Variants in NEDD1 observed in about 807,000 individuals in gnomAD.
NEDD1 encodes the protein NEDD1 gamma-tubulin ring complex targeting factor.
In NEDD1, 33 loss-of-function variants were observed where a neutral mutation model predicts 74.0. The ratio of observed to expected loss-of-function variants is 0.45; its 90% confidence interval spans 0.34 to 0.60. NEDD1 has a LOEUF of 0.60. NEDD1 is among the 20% of genes least tolerant of loss of function. The pLI is 0.01. For missense variants in NEDD1, 746 were observed against 776.5 expected, an observed-to-expected ratio of 0.96 and a Z score of 0.47; for synonymous variants, 250 against 264.4, an observed-to-expected ratio of 0.95 and a Z score of 0.53.
intron 13 of NEDD1, 114 bp downstream of exon 13, chr12:96,944,909 T>G: frequency 1.3e-6 from 1 of 761,448 alleles, no homozygotes; most frequent in Non-Finnish European, 2.1e-6. Flanking sequence ...TTCAAAGAGT[T>G]TAAAGTTTGT....
At chr12:96,909,163 T>G (rs1873633583) in intron 2 of NEDD1, among the ~76,000 whole-genome samples, 3 of 120,414 alleles carry the variant, frequency 2.5e-5, no homozygotes, top group South Asian at 2.7e-4. Context: ...ACAACAAGAG[T>G]GAAACTCCGT....
At chr12:96,950,434 T>G (rs1469642072) in intron 14 of NEDD1, among the ~76,000 whole-genome samples, 1 of 152,006 alleles carries the variant, frequency 6.6e-6, no homozygotes, top group East Asian at 1.9e-4. Context: ...GGTTTGGAGA[T>G]AATACATGAT....
chr12:96,916,265 TAAA>T, intron 4 of NEDD1, among the ~76,000 whole-genome samples: 1 of 149,962 alleles, frequency 6.7e-6, no homozygotes, highest in Non-Finnish European at 1.5e-5. Flanking sequence ...TTATTATTTT[TAAA>T]TTATACTTTA....
At chr12:96,921,478 GC>G (rs1346022867) in intron 6 of NEDD1, among the ~76,000 whole-genome samples, 1 of 152,128 alleles carries the variant, frequency 6.6e-6, no homozygotes, top group Non-Finnish European at 1.5e-5. Flanking sequence ...ACTGCACCCA[GC>G]CAGGGTTAGT....
At chr12:96,932,328 C>G (rs1246104871) in intron 6 of NEDD1, among the ~76,000 whole-genome samples, 1 of 143,556 alleles carries the variant, frequency 7.0e-6, no homozygotes. Context: ...ATTTGGAGGC[C>G]AGGTGCGGTG....
At chr12:96,924,559 T>A (rs1875483739) in intron 6 of NEDD1, among the ~76,000 whole-genome samples, 1 of 152,202 alleles carries the variant, frequency 6.6e-6, no homozygotes, top group South Asian at 2.1e-4. Context: ...GATTTTTTGA[T>A]GATACATTTC....
chr12:96,912,857 AG>A, intron 4 of NEDD1, 40 bp downstream of exon 4: 1 of 1,068,616 alleles, frequency 9.4e-7, no homozygotes, highest in Non-Finnish European at 1.4e-6. Context: ...TAAAAATCTT[AG>A]TTTTGCTTGA....
rs756348400 is a variant in NEDD1, at chr12:96,934,983, G to A, written c.497G>A (p.Arg166Gln). 38 of 1,586,222 alleles carry A rather than the reference G, an allele frequency of 2.4e-5. No individual in the cohort carries two copies. The highest frequency in any genetic ancestry group is 3.3e-4 in the Middle Eastern group (2 of 6,046). Residue 166 changes from arginine (R) to glutamine (Q), a missense_variant, in exon 7 of 16, where the codon CGG becomes CAG. Coordinates refer to ENST00000266742, the MANE Select transcript of NEDD1 (RefSeq NM_152905.4). ...PFGHGSNQSV[R>Q]HLKYSLFKKS... is the part of the protein sequence containing the mutation. ...ATTCTTTCATTTTTATAGTCTGTTC[G>A]GCACTTGAAGTACTCCTTGTTTAAG...
intron 14 of NEDD1, among the ~76,000 whole-genome samples, chr12:96,948,968 T>C (rs924709695): frequency 2.6e-5 from 4 of 152,212 alleles, no homozygotes; most frequent in African/African-American, 9.6e-5. Flanking sequence ...ACAGATGTCT[T>C]GAGGGGAAAT....
chr12:96,944,678 C>A lies in NEDD1; in HGVS notation c.1537C>A (p.Leu513Ile). ...CACATCTGGTGCTGAAAGTGGAAATCTAAATACCTCTCCATCATCTAACCA... is the reference window on the plus strand; with the variant it reads ...CACATCTGGTGCTGAAAGTGGAAATATAAATACCTCTCCATCATCTAACCA... ...LVTSGAESGN[L>I]NTSPSSNQTR... Residue 513 changes from leucine (L) to isoleucine (I), a missense_variant, in exon 13 of 16, where the codon CTA becomes ATA. Transcript: ENST00000266742. 1 of 1,600,398 alleles carries A rather than the reference C, an allele frequency of 6.2e-7. No homozygotes were observed. The highest frequency in any genetic ancestry group is 8.5e-7 in the Non-Finnish European group (1 of 1,171,906).
intron 10 of NEDD1, among the ~76,000 whole-genome samples, chr12:96,941,121 A>G (rs146051503): frequency 2.6e-4 from 39 of 152,236 alleles, no homozygotes; most frequent in African/African-American, 7.9e-4. Context: ...TATTAATAAC[A>G]TGGATACATT....
chr12:96,908,309 C>T (rs1330562592), intron 2 of NEDD1, among the ~76,000 whole-genome samples: 2 of 152,112 alleles, frequency 1.3e-5, no homozygotes, highest in Non-Finnish European at 2.9e-5. Flanking sequence ...TTTAACTTGT[C>T]CTCTGAAATG....
intron 6 of NEDD1, among the ~76,000 whole-genome samples, chr12:96,922,334 A>G (rs1386915224): frequency 6.6e-6 from 1 of 152,180 alleles, no homozygotes; most frequent in Admixed American, 6.5e-5. Flanking sequence ...TAAGCCTATA[A>G]ACTTTGGAAC....
intron 2 of NEDD1, among the ~76,000 whole-genome samples, chr12:96,908,789 A>G (rs545684531): frequency 1.3e-5 from 2 of 152,324 alleles, no homozygotes; most frequent in South Asian, 4.1e-4. Flanking sequence ...TTAGGAAGTT[A>G]CTTATTAGTA....
At chr12:96,924,708 T>C (rs1875503062) in intron 6 of NEDD1, 1 of 300,204 alleles carries the variant, frequency 3.3e-6, no homozygotes, top group Non-Finnish European at 6.4e-6. Flanking sequence ...TTGATTCTTT[T>C]GAAAGAATTT....
chr12:96,909,428 T>C (rs982800428), intron 2 of NEDD1, among the ~76,000 whole-genome samples: 1 of 151,836 alleles, frequency 6.6e-6, no homozygotes, highest in Non-Finnish European at 1.5e-5. Context: ...GACACTGAGG[T>C]GAGAATGACT....
At position 96,943,562 on chromosome 12, in the gene NEDD1, T is replaced by G; in HGVS notation, c.1297T>G (p.Phe433Val). The G allele has an allele frequency of 6.2e-7, 1 of 1,611,972 alleles. No homozygotes were observed. The highest frequency in any genetic ancestry group is 8.5e-7 in the Non-Finnish European group (1 of 1,178,664). ...SDESIGKGDG[F>V]DFLPQLNSVF... ...CATGCAGTTTTTCCCTTTTCCAGGC[T>G]TTGACTTTCTACCGCAGTTGAACTC... Residue 433 changes from phenylalanine to valine, a missense_variant and splice_region_variant, in exon 12 of 16, where the codon TTT (phenylalanine) becomes GTT (valine). Around this residue, in one of 3 missense-constraint regions of NEDD1, gnomAD observed 706 missense variants for 706.7 expected, o/e 1.00. Transcript: ENST00000266742.
intron 6 of NEDD1, among the ~76,000 whole-genome samples, chr12:96,929,639 C>G (rs1053066242): frequency 7.2e-5 from 10 of 138,352 alleles, no homozygotes; most frequent in African/African-American, 2.8e-4. Flanking sequence ...TTTTTAATGG[C>G]TGCTTGCTTT....
At chr12:96,950,044 TGAAGG>T (rs1402291901) in intron 14 of NEDD1, among the ~76,000 whole-genome samples, 3 of 151,658 alleles carry the variant, frequency 2.0e-5, no homozygotes, top group African/African-American at 7.3e-5. Context: ...TATCACAGAG[TGAAGG>T]GATAAGAAGA....
Sources: allele counts gnomAD v4.1 joint callset (sites outside exome capture counted in the v4.1 genomes callset), GRCh38; gene constraint gnomAD v4.1.1; regional missense constraint gnomAD v4.1.1; transcripts MANE v1.5; gene names NCBI Gene and HGNC (gene_info 2026-07-23, HGNC 2026-07-21).